Variants in FOXJ2 observed in about 807,000 individuals in gnomAD.
The protein encoded by FOXJ2 is forkhead box protein J2.
In FOXJ2, 18 loss-of-function variants were observed where a neutral mutation model predicts 68.4. The ratio of observed to expected loss-of-function variants is 0.26; its 90% CI spans 0.18 to 0.39. FOXJ2 has a LOEUF of 0.39. Ranked by LOEUF, FOXJ2 falls within the 10% of genes least tolerant of loss-of-function variation. The pLI is 1.00. For synonymous variants in FOXJ2, 274 were observed against 263.2 expected (o/e 1.04, Z -0.40); for missense variants, 670 against 726.5 (o/e 0.92, Z 0.89).
chr12:8,054,710 A>G lies in FOXJ2; in HGVS notation c.*1860A>G, dbSNP rs183668913. 2.0e-4 allele frequency: 30 copies of G among 152,600 alleles called. No homozygotes were observed. The highest frequency in any genetic ancestry group is 7.2e-4 in the African/African-American group (30 of 41,558). The allele number at this position is 152,600 out of a possible 1,614,324, so 9.5% of individuals were successfully genotyped here. A position where few individuals can be genotyped will look rare whatever the true frequency, so the allele number is the denominator to read the frequency against. On this transcript the variant is annotated 3_prime_UTR_variant, in exon 11 of 11. Transcript: ENST00000162391. ...TAGTGGGGTTGAAGTATGACATAAT[A>G]TTTCCCATTGGGGAAAGGAGAATTT...
chr12:8,051,914 T>G (rs1331872414), intron 10 of FOXJ2, among the ~76,000 whole-genome samples: 1 of 152,130 alleles, frequency 6.6e-6, no homozygotes, highest in Non-Finnish European at 1.5e-5. Context: ...CAGGCTGGAG[T>G]GCAGTAGGCA....
chr12:8,048,343 C>A, intron 7 of FOXJ2, 54 bp downstream of exon 7: 1 of 1,505,480 alleles, frequency 6.6e-7, no homozygotes, highest in South Asian at 1.4e-5. Flanking sequence ...ATGTCCTTGT[C>A]CTAACACCGG....
intron 10 of FOXJ2, 90 bp downstream of exon 10, chr12:8,050,710 T>C (rs1947105227): frequency 2.1e-6 from 3 of 1,453,070 alleles, no homozygotes; most frequent in Non-Finnish European, 2.9e-6. Flanking sequence ...CTGTGCATTT[T>C]TGCCTGCATC....
chr12:8,036,136 A>G (rs1468024396), intron 1 of FOXJ2, among the ~76,000 whole-genome samples: 1 of 152,230 alleles, frequency 6.6e-6, no homozygotes, highest in Non-Finnish European at 1.5e-5. Flanking sequence ...AATCCTTACA[A>G]CAATCAAAAT....
At position 8,053,598 on chromosome 12, in the gene FOXJ2, A is replaced by C. The variant is rs1034372038; in HGVS notation, c.*748A>C. On this transcript the variant is annotated 3_prime_UTR_variant, in exon 11 of 11. Coordinates refer to ENST00000162391, the MANE Select transcript of FOXJ2 (RefSeq NM_018416.3). The surrounding 1 kb of genome is among the most constrained non-coding windows in gnomAD (Gnocchi z 4.1). ...ACACTGCCATGTTACATCAGTGTCCATTGGCTTGTTTTGAGCCTGTTCTCT... is the reference window on the plus strand; with the variant it reads ...ACACTGCCATGTTACATCAGTGTCCCTTGGCTTGTTTTGAGCCTGTTCTCT... 6.6e-6 allele frequency: 1 copy of C among 152,524 alleles called. No homozygotes were observed. Among genetic ancestry groups the C allele is most frequent in the African/African-American group, 2.4e-5 (1 of 41,442 alleles). The allele number at this position is 152,524 out of a possible 1,614,324, so 9.4% of individuals were successfully genotyped here.
intron 4 of FOXJ2, 69 bp downstream of exon 4, chr12:8,043,838 G>T: frequency 4.3e-6 from 7 of 1,609,510 alleles, no homozygotes; most frequent in Non-Finnish European, 5.9e-6. Context: ...TCTTATGGAC[G>T]TTCAGTCCTT....
Position 8,040,248 on chromosome 12 carries a change from C to G in FOXJ2, c.333+83C>G. On this transcript the variant is annotated intron_variant, in intron 2 of 10. Transcript: ENST00000162391. The surrounding 1 kb of genome is among the most constrained non-coding windows in gnomAD (Gnocchi z 4.0). ...AAAAGGTTTTGTTTCTTCTTGTAAC[C>G]TGTTCAGTTTACTCTGGTTTGTCTC... 2 of 1,380,516 alleles carry G rather than the reference C, an allele frequency of 1.4e-6. No individual in the cohort carries two copies. The highest frequency in any genetic ancestry group is 2.0e-6 in the Non-Finnish European group (2 of 1,002,542). The allele number at this position is 1,380,516 out of a possible 1,614,324, so 85.5% of individuals were successfully genotyped here.
chr12:8,036,308 G>A (rs529038620), intron 1 of FOXJ2, among the ~76,000 whole-genome samples: 151 of 152,300 alleles, frequency 9.9e-4, no homozygotes, highest in Non-Finnish European at 1.9e-3. Context: ...AAAATGGGAA[G>A]AAAACTGAGC....
At chr12:8,051,124 T>TCCCTTCCCC (rs1555166388) in intron 10 of FOXJ2, among the ~76,000 whole-genome samples, 1 of 117,478 alleles carries the variant, frequency 8.5e-6, no homozygotes, top group Non-Finnish European at 1.7e-5. Flanking sequence ...TCCCTTCCCT[T>TCCCTTCCCC]TCCCTTCCCC....
chr12:8,034,083 G>A (rs761845193), intron 1 of FOXJ2, among the ~76,000 whole-genome samples: 23 of 152,176 alleles, frequency 1.5e-4, no homozygotes, highest in South Asian at 8.3e-4. Flanking sequence ...TAGGGAAGTG[G>A]ATGTTTTCAT....
chr12:8,046,234 G>A (rs954433208), intron 6 of FOXJ2, among the ~76,000 whole-genome samples: 1 of 152,198 alleles, frequency 6.6e-6, no homozygotes, highest in African/African-American at 2.4e-5. Context: ...GCGTTTCATT[G>A]TGAGAACAGT....
rs1443656044 is a variant in FOXJ2, at chr12:8,048,294, G to T, written c.1225+5G>T. ...CCATCAACAACACTGGCTTTGGTGA[G>T]TAAGGAGGGTGCACAGTGATCTAGA... On this transcript the variant is annotated splice_donor_5th_base_variant and intron_variant, in intron 7 of 10. Coordinates refer to ENST00000162391, the MANE Select transcript of FOXJ2 (RefSeq NM_018416.3). 2 of 1,554,814 alleles carry T rather than the reference G, an allele frequency of 1.3e-6. No individual in the cohort carries two copies. The highest frequency in any genetic ancestry group is 2.7e-5 in the African/African-American group (2 of 73,316).
chr12:8,036,795 G>T (rs1420499125), intron 1 of FOXJ2, among the ~76,000 whole-genome samples: 1 of 152,152 alleles, frequency 6.6e-6, no homozygotes, highest in African/African-American at 2.4e-5. Context: ...GAGGCATCAA[G>T]ACTTCACTGG....
rs759096894 is a variant in FOXJ2 at position 8,048,270 on chromosome 12, C to T, written c.1206C>T (p.Pro402=). The change falls in exon 7 of 11, where the codon CCC becomes CCT. Residue 402 remains proline (P), a synonymous_variant. Coordinates refer to ENST00000162391, the MANE Select transcript of FOXJ2 (RefSeq NM_018416.3). ...PPQPQAQGQA[P]INNTGFAFPS... ...AGCCACAGGCACAAGGCCAGGCTCCCATCAACAACACTGGCTTTGGTGAGT... is the reference window on the plus strand; with the variant it reads ...AGCCACAGGCACAAGGCCAGGCTCCTATCAACAACACTGGCTTTGGTGAGT... 1.8e-5 allele frequency: 28 copies of T among 1,575,724 alleles called. No individual in the cohort carries two copies. The Admixed American group carries it at 2.6e-4, about 14-fold the overall frequency.
At chr12:8,041,878 C>T (rs778362155) in intron 2 of FOXJ2, among the ~76,000 whole-genome samples, 1 of 151,020 alleles carries the variant, frequency 6.6e-6, no homozygotes, top group African/African-American at 2.4e-5. Context: ...CCAACACACA[C>T]ATTTTTTTTT....
chr12:8,047,882 G>A lies in FOXJ2; in HGVS notation c.818G>A (p.Gly273Asp). The A allele has an allele frequency of 7.6e-6, 12 of 1,569,196 alleles. No individual in the cohort carries two copies. Among genetic ancestry groups the A allele is most frequent in the African/African-American group, 1.4e-5 (1 of 73,950 alleles). Residue 273 changes from glycine (G) to aspartate (D), a missense_variant and splice_region_variant, in exon 7 of 11, where the codon GGC becomes GAC. Coordinates refer to ENST00000162391, the MANE Select transcript of FOXJ2 (RefSeq NM_018416.3). ...LEKSSSSSQHGFSSLLGDIPP... is the reference protein window; with the variant it reads ...LEKSSSSSQHDFSSLLGDIPP... ...TTGCCTGCTTCCTCCCCACCTGCAG[G>A]CTTTTCTTCTCTCCTGGGGGACATC...
chr12:8,043,973 A>G lies in FOXJ2; in HGVS notation c.500A>G (p.Gln167Arg), dbSNP rs1268253315. Reference sequence around the variant, plus strand: ...CAGCTGTCCCAAGACTCACCAGAACAGGAGGCAAGCAAGAGCCCACGGGGA... The same window carrying G: ...CAGCTGTCCCAAGACTCACCAGAACGGGAGGCAAGCAAGAGCCCACGGGGA... ...DDDLSQDSPE[Q>R]EASKSPRGGV... Residue 167 changes from glutamine to arginine, a missense_variant, in exon 5 of 11, where the codon CAG (glutamine) becomes CGG (arginine). Gln to Arg is a conservative substitution (Grantham distance 43). This residue lies in a region of FOXJ2 where 555 missense variants were observed against 562.2 expected (regional missense o/e 0.99). Transcript: ENST00000162391. The G allele has an allele frequency of 5.7e-6, 9 of 1,566,140 alleles. No individual in the cohort carries two copies. Among genetic ancestry groups the G allele is most frequent in the Admixed American group, 2.0e-5 (1 of 49,608 alleles).
chr12:8,039,777 C>T (rs1296876446), intron 1 of FOXJ2, 42 bp from the exon 2 acceptor site: 7 of 1,500,658 alleles, frequency 4.7e-6, no homozygotes, highest in Non-Finnish European at 5.5e-6. Context: ...TTGAGTATTA[C>T]TTGCCCCCAG....
In FOXJ2 at chr12:8,040,215, T is replaced by C; in HGVS notation, c.333+50T>C. ...CTTAGGTTTAGGCTTCAACAGCCTT[T>C]TTAGAGAAAAAGGTTTTGTTTCTTC... On this transcript the variant is annotated intron_variant, in intron 2 of 10. Coordinates refer to ENST00000162391, the MANE Select transcript of FOXJ2 (RefSeq NM_018416.3). The surrounding 1 kb of genome is among the most constrained non-coding windows in gnomAD (Gnocchi z 4.0). 1.9e-6 allele frequency: 3 copies of C among 1,562,894 alleles called. No individual in the cohort carries two copies. The highest frequency in any genetic ancestry group is 2.6e-6 in the Non-Finnish European group (3 of 1,146,124).
Sources: allele counts gnomAD v4.1 joint callset (sites outside exome capture counted in the v4.1 genomes callset), GRCh38; gene constraint gnomAD v4.1.1; regional missense constraint gnomAD v4.1.1; non-coding constraint Gnocchi (gnomAD v3.1); transcripts MANE v1.5; gene names NCBI Gene and HGNC (gene_info 2026-07-23, HGNC 2026-07-21).